NCALD: variants seen among roughly 807,000 people sequenced by gnomAD.
NCALD encodes the protein neurocalcin delta, also known as neurocalcin-delta.
NCALD carries 10 observed loss-of-function variants against 18.6 expected under a neutral mutation model. The observed-to-expected ratio is 0.54, with a 90% confidence interval of 0.33 to 0.91. NCALD has a LOEUF of 0.91. Among genes scored for constraint, NCALD ranks in the 40% least tolerant of loss-of-function variants. The pLI is 0.03. For missense variants in NCALD, 184 were observed against 247.6 expected, an observed-to-expected ratio of 0.74 and a Z score of 1.72; for synonymous variants, 88 against 87.4, an observed-to-expected ratio of 1.01 and a Z score of -0.04.
At chr8:101,917,594 A>AC (rs1305948258) in intron 2 of NCALD, among the ~76,000 whole-genome samples, 1 of 135,412 alleles carries the variant, frequency 7.4e-6, no homozygotes, top group East Asian at 2.0e-4. Flanking sequence ...AGCTAGATTA[A>AC]CAAAAAAAAA....
At chr8:101,784,021 C>A (rs570121090) in intron 1 of NCALD, among the ~76,000 whole-genome samples, 2 of 151,998 alleles carry the variant, frequency 1.3e-5, no homozygotes, top group Non-Finnish European at 2.9e-5. Flanking sequence ...TAAGAAATTA[C>A]CCCCCCACAC....
At chr8:101,724,797 CTG>C (rs1289952886) in intron 1 of NCALD, among the ~76,000 whole-genome samples, 1 of 152,210 alleles carries the variant, frequency 6.6e-6, no homozygotes, top group East Asian at 1.9e-4. Context: ...GAGAGCCTAA[CTG>C]TGAGTGTGGG....
At chr8:101,706,468 A>T (rs1815529614) in intron 2 of NCALD, among the ~76,000 whole-genome samples, 1 of 152,226 alleles carries the variant, frequency 6.6e-6, no homozygotes, top group Admixed American at 6.5e-5. Flanking sequence ...TTGTTTCTTC[A>T]TCCATAAAAT....
chr8:101,888,189 T>C (rs1427377298), intron 3 of NCALD, among the ~76,000 whole-genome samples: 7 of 152,076 alleles, frequency 4.6e-5, no homozygotes, highest in Middle Eastern at 3.4e-3. Flanking sequence ...CAGAGAGACA[T>C]TGGGGTTAGA....
chr8:102,066,448 T>G (rs1824011718), intron 1 of NCALD, among the ~76,000 whole-genome samples: 1 of 152,186 alleles, frequency 6.6e-6, no homozygotes. Flanking sequence ...CAGTCGGCAC[T>G]CACTGTGTGA....
At chr8:101,769,984 A>G (rs555705965) in intron 1 of NCALD, among the ~76,000 whole-genome samples, 31 of 152,314 alleles carry the variant, frequency 2.0e-4, no homozygotes, top group African/African-American at 7.0e-4. Context: ...ATGAACAAAG[A>G]TCATTCACAG....
chr8:101,901,742 A>G (rs1045027836), intron 3 of NCALD, among the ~76,000 whole-genome samples: 5 of 152,098 alleles, frequency 3.3e-5, no homozygotes, highest in African/African-American at 4.8e-5. Flanking sequence ...TTAAGAGGAG[A>G]AGTAAACTTT....
intron 4 of NCALD, among the ~76,000 whole-genome samples, chr8:101,800,732 A>G (rs984595305): frequency 2.7e-5 from 4 of 150,928 alleles, no homozygotes; most frequent in African/African-American, 9.8e-5. Context: ...TAGCAATATT[A>G]CTATCAATAC....
chr8:102,106,258 G>GC (rs1825443890), intron 1 of NCALD, among the ~76,000 whole-genome samples: 1 of 151,196 alleles, frequency 6.6e-6, no homozygotes, highest in Non-Finnish European at 1.5e-5. Flanking sequence ...TTTTTAGTAG[G>GC]GGGGGTGGTT....
intron 4 of NCALD, among the ~76,000 whole-genome samples, chr8:101,871,388 C>T (rs1404237379): frequency 6.6e-6 from 1 of 152,134 alleles, no homozygotes; most frequent in Non-Finnish European, 1.5e-5. Context: ...TGGCTCCTAA[C>T]ATACCTCCCT....
chr8:102,053,029 T>C (rs974402380), intron 1 of NCALD, among the ~76,000 whole-genome samples: 1 of 152,210 alleles, frequency 6.6e-6, no homozygotes, highest in Non-Finnish European at 1.5e-5. Context: ...AAAAGAAATC[T>C]CAAAACATTT....
intron 4 of NCALD, among the ~76,000 whole-genome samples, chr8:101,859,942 T>G (rs142711682): frequency 6.6e-6 from 1 of 152,270 alleles, no homozygotes; most frequent in African/African-American, 2.4e-5. Context: ...ATTGTGAAAT[T>G]TTTAGGATGT....
intron 3 of NCALD, among the ~76,000 whole-genome samples, chr8:101,905,276 C>CCTCTCTCTCT (rs58447809): frequency 1.4e-5 from 2 of 145,478 alleles, no homozygotes; most frequent in Non-Finnish European, 3.0e-5. Context: ...TCTCTCCTCT[C>CCTCTCTCTCT]CTCTCTCTCT....
intron 3 of NCALD, among the ~76,000 whole-genome samples, chr8:101,899,742 A>C (rs1177347332): frequency 6.6e-6 from 1 of 150,544 alleles, no homozygotes; most frequent in African/African-American, 2.5e-5. Flanking sequence ...GTTATGGCAT[A>C]TAATTACCTT....
chr8:101,901,547 TCTC>T (rs1477152691), intron 3 of NCALD, among the ~76,000 whole-genome samples: 1 of 152,138 alleles, frequency 6.6e-6, no homozygotes, highest in African/African-American at 2.4e-5. Flanking sequence ...CAATGGTTGC[TCTC>T]CTTATTATAA....
chr8:101,929,569 G>A (rs1432685956), intron 2 of NCALD, among the ~76,000 whole-genome samples: 3 of 67,418 alleles, frequency 4.4e-5, no homozygotes, highest in Admixed American at 1.3e-4. Flanking sequence ...GGAAGGAAGG[G>A]AAGGAGGGAG....
At chr8:102,008,041 A>G (rs929769156) in intron 2 of NCALD, among the ~76,000 whole-genome samples, 1 of 152,220 alleles carries the variant, frequency 6.6e-6, no homozygotes, top group African/African-American at 2.4e-5. Context: ...TGTAGATATA[A>G]TTCTTCCATT....
At chr8:101,902,003 C>A (rs1332742497) in intron 3 of NCALD, among the ~76,000 whole-genome samples, 1 of 152,166 alleles carries the variant, frequency 6.6e-6, no homozygotes, top group African/African-American at 2.4e-5. Context: ...ATTGGCCAGG[C>A]TGGTCTCGAA....
intron 2 of NCALD, among the ~76,000 whole-genome samples, chr8:101,703,227 GT>G (rs1401678053): frequency 1.3e-5 from 2 of 151,458 alleles, no homozygotes; most frequent in Non-Finnish European, 2.9e-5. Flanking sequence ...TGGTTTCTAA[GT>G]TTTTTCAAGA....
Sources: allele counts gnomAD v4.1 joint callset (sites outside exome capture counted in the v4.1 genomes callset), GRCh38; gene constraint gnomAD v4.1.1; transcripts MANE v1.5; gene names NCBI Gene and HGNC (gene_info 2026-07-23, HGNC 2026-07-21).